The following SLC11A2 variants were observed in gnomAD, a reference collection of about 807,000 sequenced individuals.
SLC11A2 encodes the protein solute carrier family 11 member 2.
In SLC11A2, 38 loss-of-function variants were observed where a neutral mutation model predicts 68.0. That is an observed-to-expected ratio of 0.56 (90% CI 0.43 to 0.73). SLC11A2 has a LOEUF of 0.73. SLC11A2 is among the 30% of genes least tolerant of loss of function. The pLI is 0.00. For synonymous variants in SLC11A2, 242 were observed against 250.6 expected, an observed-to-expected ratio of 0.97 and a Z score of 0.32; for missense variants, 517 against 690.5, an observed-to-expected ratio of 0.75 and a Z score of 2.82.
Position 51,000,483 on chromosome 12 carries a change from T to C in SLC11A2, c.430-64A>G, listed in dbSNP as rs150663473. 7,444 of 1,303,000 alleles carry C rather than the reference T, an allele frequency of 5.7e-3. 146 individuals carry two copies. Among genetic ancestry groups the C allele is most frequent in the East Asian group, 0.05 (2,141 of 43,086 alleles). 80.7% of individuals were successfully genotyped at this position (1,303,000 alleles called of 1,614,324 possible). A position where few individuals can be genotyped will look rare whatever the true frequency, so the allele number is the denominator to read the frequency against. On this transcript the variant is annotated intron_variant, in intron 5 of 15. Transcript: ENST00000262052. ...TCATTTCTAAAAAATTCCTCCACAA[T>C]TTGGAATTCACATTTTGGCACTAAA...
At chr12:50,973,782 A>G in the SLC11A2 span, among the ~76,000 whole-genome samples, 1 of 152,242 alleles carries the variant, frequency 6.6e-6, no homozygotes, top group Non-Finnish European at 1.5e-5. Flanking sequence ...ACCAATGCAG[A>G]TAAGTCCTTA....
In SLC11A2 at chr12:50,986,045, GGTTA is replaced by G; in HGVS notation, c.*2276_*2279del. ...AAACCAAGTTTACATACGGTTAAAT[GGTTA>G]CTAAAAGCTCAGTTGTAACCACTCC... On this transcript the variant is annotated 3_prime_UTR_variant, in exon 16 of 16. Transcript: ENST00000262052. The G allele has an allele frequency of 8.2e-7, 1 of 1,225,640 alleles. No homozygotes were observed. The highest frequency in any genetic ancestry group is 1.0e-6 in the Non-Finnish European group (1 of 961,648). 75.9% of individuals were successfully genotyped at this position (1,225,640 alleles called of 1,614,324 possible).
At chr12:50,993,043 A>G in intron 11 of SLC11A2, 114 bp from the exon 12 acceptor site, 1 of 1,269,508 alleles carries the variant, frequency 7.9e-7, no homozygotes, top group South Asian at 1.2e-5. Context: ...CACCAACACC[A>G]AGTGCTGTGC....
At chr12:51,011,912 A>G (rs1943264654) in intron 1 of SLC11A2, among the ~76,000 whole-genome samples, 1 of 152,134 alleles carries the variant, frequency 6.6e-6, no homozygotes, top group Non-Finnish European at 1.5e-5. Flanking sequence ...GGTCTAAAAT[A>G]TGTAATTTAA....
chr12:50,977,170 A>G (rs1423852124), downstream of SLC11A2, among the ~76,000 whole-genome samples: 2 of 152,254 alleles, frequency 1.3e-5, no homozygotes, highest in African/African-American at 4.8e-5. Context: ...GGAACCAAAA[A>G]AGAGCCTGCA....
chr12:51,011,375 G>A (rs561056228), intron 1 of SLC11A2, among the ~76,000 whole-genome samples: 31 of 151,886 alleles, frequency 2.0e-4, no homozygotes, highest in African/African-American at 6.3e-4. Flanking sequence ...TGATCCGCCC[G>A]CCTCAGCCTC....
At chr12:51,000,661 G>C in intron 5 of SLC11A2, 4 of 583,124 alleles carry the variant, frequency 6.9e-6, no homozygotes, top group Middle Eastern at 4.5e-4. Flanking sequence ...GGCAGTAATT[G>C]ATCTTACTTT....
chr12:50,994,727 A>G, intron 10 of SLC11A2, 97 bp from the exon 11 acceptor site: 1 of 774,676 alleles, frequency 1.3e-6, no homozygotes, highest in Non-Finnish European at 2.4e-6. Context: ...TATAAGAGGT[A>G]GGCTGGAGGG....
At chr12:51,019,036 G>C (rs374143483) in intron 1 of SLC11A2, among the ~76,000 whole-genome samples, 1 of 152,032 alleles carries the variant, frequency 6.6e-6, no homozygotes, top group Non-Finnish European at 1.5e-5. Flanking sequence ...AGCCAGAAAG[G>C]TGTCTTCATG....
intron 1 of SLC11A2, among the ~76,000 whole-genome samples, chr12:51,020,287 G>A (rs1943951557): frequency 6.6e-6 from 1 of 151,226 alleles, no homozygotes; most frequent in Non-Finnish European, 1.5e-5. Flanking sequence ...CAAACTCCTG[G>A]GCTCAAGTGA....
rs553133979 is a variant in SLC11A2 at position 51,003,128 on chromosome 12, C to T, written c.429+1660G>A. Among the ~76,000 whole-genome samples, 5 of 151,232 alleles carry T rather than the reference C, an allele frequency of 3.3e-5. No homozygotes were observed. The East Asian group carries it at 5.8e-4, about 18-fold the overall frequency. ...GCAGGCACCTGTAATCCCAGCTACT[C>T]GGGAGGCTGAGGCAGGAGAATCACT... On this transcript the variant is annotated intron_variant, in intron 5 of 15. Transcript: ENST00000262052.
chr12:51,018,280 A>G (rs796836245), intron 1 of SLC11A2, among the ~76,000 whole-genome samples: 26 of 152,182 alleles, frequency 1.7e-4, no homozygotes, highest in African/African-American at 5.5e-4. Flanking sequence ...CTGTAATCCC[A>G]GCTATTGGGA....
the SLC11A2 span, among the ~76,000 whole-genome samples, chr12:50,953,105 C>G: frequency 6.6e-6 from 1 of 152,210 alleles, no homozygotes; most frequent in Admixed American, 6.5e-5. Flanking sequence ...ACCACTCCCC[C>G]AGTCCCCTGG....
chr12:50,970,638 C>T, the SLC11A2 span: 5 of 615,454 alleles, frequency 8.1e-6, no homozygotes, highest in Admixed American at 9.1e-5. Context: ...TATTTCAAGT[C>T]TCAGTGTTTT....
the SLC11A2 span, among the ~76,000 whole-genome samples, chr12:50,962,417 A>T: frequency 1.3e-5 from 2 of 150,978 alleles, no homozygotes; most frequent in Non-Finnish European, 1.5e-5. Context: ...ATCTAAAAAA[A>T]AGCCAGGCAC....
At chr12:50,994,002 A>AAAAAAAAAAAAAAAAG (rs1941453254) in intron 11 of SLC11A2, among the ~76,000 whole-genome samples, 1 of 148,118 alleles carries the variant, frequency 6.8e-6, no homozygotes, top group Non-Finnish European at 1.5e-5. Flanking sequence ...CAAAAAAAAA[A>AAAAAAAAAAAAAAAAG]AAAAAAAAAA....
At chr12:50,982,928 G>A (rs191694412), downstream of SLC11A2, among the ~76,000 whole-genome samples, 24 of 141,400 alleles carry the variant, frequency 1.7e-4, no homozygotes, top group East Asian at 3.7e-3. Flanking sequence ...GCAACACAGC[G>A]AGACTCCGTC....
chr12:50,986,923 G>C lies in SLC11A2; in HGVS notation c.*1402C>G, dbSNP rs1465581386. Reference sequence around the variant, plus strand: ...GCGAACACCAATCAGCCAGGACTCTGGAAGGAAAGCTCCAAAAATGAGAAG... The same window carrying C: ...GCGAACACCAATCAGCCAGGACTCTCGAAGGAAAGCTCCAAAAATGAGAAG... On this transcript the variant is annotated 3_prime_UTR_variant, in exon 16 of 16. Transcript: ENST00000262052. 3 of 1,287,048 alleles carry C rather than the reference G, an allele frequency of 2.3e-6. No homozygotes were observed. Among genetic ancestry groups the C allele is most frequent in the Non-Finnish European group, 3.0e-6 (3 of 988,694 alleles). The allele number at this position is 1,287,048 out of a possible 1,614,324, so 79.7% of individuals were successfully genotyped here.
rs550208895 is a variant in SLC11A2, at chr12:51,010,056, T to C, written c.34+639A>G. ...AACATTAGCCGGGCGTGGCGGCAGG[T>C]GCCTGTAATCCCAGGTGCTCGTGAT... On this transcript the variant is annotated intron_variant, in intron 2 of 15. Coordinates refer to ENST00000262052, the MANE Select transcript of SLC11A2 (RefSeq NM_000617.3). 7.2e-5 allele frequency among the ~76,000 whole-genome samples: 11 copies of C among 151,878 alleles called. No homozygotes were observed. In the East Asian group the frequency reaches 2.1e-3, roughly 29 times the overall value.
Sources: allele counts gnomAD v4.1 joint callset (sites outside exome capture counted in the v4.1 genomes callset), GRCh38; gene constraint gnomAD v4.1.1; transcripts MANE v1.5; gene names NCBI Gene and HGNC (gene_info 2026-07-23, HGNC 2026-07-21).